The following KCNQ3 variants were observed in gnomAD, a reference collection of about 807,000 sequenced individuals.
The protein encoded by KCNQ3 is potassium voltage-gated channel subfamily Q member 3.
In KCNQ3, 30 loss-of-function variants were observed where a neutral mutation model predicts 92.5. That is an observed-to-expected ratio of 0.32 (90% CI 0.24 to 0.44). The LOEUF is 0.44. Ranked by LOEUF, KCNQ3 falls within the 20% of genes least tolerant of loss-of-function variation. The pLI is 1.00. For synonymous variants in KCNQ3, 450 were observed against 468.8 expected (o/e 0.96, Z 0.52); for missense variants, 913 against 1,140.3 (o/e 0.80, Z 2.87).
chr8:132,231,911 G>A (rs1814658059), intron 1 of KCNQ3, among the ~76,000 whole-genome samples: 1 of 152,184 alleles, frequency 6.6e-6, no homozygotes, highest in South Asian at 2.1e-4. Flanking sequence ...TTAGAAATGT[G>A]CATTGATTGA....
intron 1 of KCNQ3, among the ~76,000 whole-genome samples, chr8:132,358,741 T>C (rs987123791): frequency 6.6e-6 from 1 of 152,114 alleles, no homozygotes; most frequent in Non-Finnish European, 1.5e-5. Context: ...ACAGACATGC[T>C]TGTGGGATGA....
chr8:132,378,102 C>T (rs1245175117), intron 1 of KCNQ3, among the ~76,000 whole-genome samples: 1 of 152,034 alleles, frequency 6.6e-6, no homozygotes, highest in Non-Finnish European at 1.5e-5. Flanking sequence ...TTTTAAAAGT[C>T]AGACAATATG....
At position 132,337,292 on chromosome 8, in the gene KCNQ3, C is replaced by T. The variant is rs149604960; in HGVS notation, c.386+142855G>A. 7.3e-4 allele frequency among the ~76,000 whole-genome samples: 111 copies of T among 152,104 alleles called. No individual in the cohort carries two copies. In the East Asian group the frequency reaches 0.017, roughly 24 times the overall value. On this transcript the variant is annotated intron_variant, in intron 1 of 14. Transcript: ENST00000388996. ...TTGCTTGAGCCCAGAAGTTTGAGAC[C>T]AGCATGAGCAATAAAGTGAGAGCAA...
At chr8:132,316,807 GT>G (rs1388157997) in intron 1 of KCNQ3, among the ~76,000 whole-genome samples, 4 of 152,178 alleles carry the variant, frequency 2.6e-5, no homozygotes, top group African/African-American at 9.7e-5. Flanking sequence ...TTCAAATATA[GT>G]CAATGAAAAT....
At chr8:132,396,678 G>C (rs893597996) in intron 1 of KCNQ3, among the ~76,000 whole-genome samples, 2 of 152,150 alleles carry the variant, frequency 1.3e-5, no homozygotes, top group Non-Finnish European at 2.9e-5. Flanking sequence ...CTCCTAGTGA[G>C]TTAATCAAAC....
intron 1 of KCNQ3, among the ~76,000 whole-genome samples, chr8:132,191,220 C>T (rs1827145120): frequency 6.6e-6 from 1 of 152,114 alleles, no homozygotes; most frequent in African/African-American, 2.4e-5. Context: ...GATCATAGCT[C>T]ATTGTAACCT....
intron 1 of KCNQ3, among the ~76,000 whole-genome samples, chr8:132,437,128 A>T (rs1821414875): frequency 6.6e-6 from 1 of 151,456 alleles, no homozygotes; most frequent in African/African-American, 2.4e-5. Flanking sequence ...AAATACAAAA[A>T]ATTAGCCGGG....
intron 1 of KCNQ3, among the ~76,000 whole-genome samples, chr8:132,209,544 A>AC (rs1554631921): frequency 0.098 from 13,321 of 135,376 alleles, 649 homozygotes; most frequent in Non-Finnish European, 0.11. Context: ...CACACACACA[A>AC]ACACACACAC....
chr8:132,405,423 A>T (rs1820450070), intron 1 of KCNQ3, among the ~76,000 whole-genome samples: 3 of 152,230 alleles, frequency 2.0e-5, no homozygotes, highest in Admixed American at 6.5e-5. Context: ...ATAGAGACTG[A>T]TCCAAAAAGA....
intron 1 of KCNQ3, among the ~76,000 whole-genome samples, chr8:132,410,707 C>A (rs1259116881): frequency 6.6e-6 from 1 of 152,222 alleles, no homozygotes; most frequent in African/African-American, 2.4e-5. Flanking sequence ...AACTAACAGT[C>A]ACATTTTTCT....
At chr8:132,440,735 A>T (rs1208824231) in intron 1 of KCNQ3, among the ~76,000 whole-genome samples, 1 of 152,174 alleles carries the variant, frequency 6.6e-6, no homozygotes, top group East Asian at 1.9e-4. Context: ...GGGGGTTACT[A>T]ACCCCTTGAA....
At chr8:132,401,612 G>A (rs1341702945) in intron 1 of KCNQ3, among the ~76,000 whole-genome samples, 3 of 152,188 alleles carry the variant, frequency 2.0e-5, no homozygotes, top group Non-Finnish European at 2.9e-5. Context: ...CTGACCTCGT[G>A]ATCCGCCTGC....
At chr8:132,427,983 C>T (rs969060260) in intron 1 of KCNQ3, among the ~76,000 whole-genome samples, 1 of 152,200 alleles carries the variant, frequency 6.6e-6, no homozygotes, top group African/African-American at 2.4e-5. Context: ...CTTATGCCTT[C>T]GCCTGCAGAT....
intron 1 of KCNQ3, among the ~76,000 whole-genome samples, chr8:132,441,519 A>G (rs751290869): frequency 3.9e-4 from 59 of 152,330 alleles, no homozygotes; most frequent in Non-Finnish European, 7.1e-4. Context: ...GCACCACTGC[A>G]CTCCAGCCTG....
chr8:132,206,439 A>C (rs1254532038), intron 1 of KCNQ3, among the ~76,000 whole-genome samples: 1 of 152,238 alleles, frequency 6.6e-6, no homozygotes, highest in Non-Finnish European at 1.5e-5. Context: ...TGGAAATCAA[A>C]ATAAAAGAAT....
intron 1 of KCNQ3, among the ~76,000 whole-genome samples, chr8:132,228,439 T>A (rs1814504354): frequency 6.6e-6 from 1 of 152,102 alleles, no homozygotes; most frequent in Non-Finnish European, 1.5e-5. Context: ...TGGCAATACC[T>A]AATTGCGAAA....
chr8:132,458,908 G>T (rs574498274), intron 1 of KCNQ3, among the ~76,000 whole-genome samples: 48 of 152,244 alleles, frequency 3.2e-4, no homozygotes, highest in African/African-American at 1.1e-3. Flanking sequence ...ATTAACTAAA[G>T]TCCATACTTT....
intron 1 of KCNQ3, among the ~76,000 whole-genome samples, chr8:132,331,259 G>T (rs537775935): frequency 1.1e-4 from 16 of 152,150 alleles, no homozygotes; most frequent in Non-Finnish European, 2.1e-4. Flanking sequence ...CACAGAGCTC[G>T]TAATAAAGGC....
At chr8:132,309,753 C>CTGT (rs1485798813) in intron 1 of KCNQ3, among the ~76,000 whole-genome samples, 1 of 152,192 alleles carries the variant, frequency 6.6e-6, no homozygotes, top group Non-Finnish European at 1.5e-5. Context: ...AATCCCCATC[C>CTGT]CTTTAATCAC....
Sources: allele counts gnomAD v4.1 joint callset (sites outside exome capture counted in the v4.1 genomes callset), GRCh38; gene constraint gnomAD v4.1.1; transcripts MANE v1.5; gene names NCBI Gene and HGNC (gene_info 2026-07-23, HGNC 2026-07-21).